FCN2: variants seen among roughly 807,000 people sequenced by gnomAD.
The protein encoded by FCN2 is ficolin 2.
A neutral mutation model predicts 32.5 loss-of-function variants in FCN2; 31 were observed. That is an observed-to-expected ratio of 0.96 (90% confidence interval 0.72 to 1.29). The LOEUF (loss-of-function observed/expected upper bound fraction) is 1.29. Among genes scored for constraint, FCN2 ranks in the 50% most tolerant of loss-of-function variants. The pLI, the probability that FCN2 is intolerant of heterozygous loss-of-function variation, is 0.00. For synonymous variants in FCN2, 181 were observed against 164.5 expected, an observed-to-expected ratio of 1.10 and a Z score of -0.77; for missense variants, 412 against 406.5, an observed-to-expected ratio of 1.01 and a Z score of -0.12.
chr9:134,880,404 G>A (rs74693003), upstream of FCN2, among the ~76,000 whole-genome samples: 149 of 152,334 alleles, frequency 9.8e-4, 2 homozygotes, highest in South Asian at 0.012. Flanking sequence ...AGTGGCCCAT[G>A]ACCAGCCCTG....
upstream of FCN2, among the ~76,000 whole-genome samples, chr9:134,875,982 C>G (rs749355652): frequency 6.6e-5 from 10 of 152,116 alleles, no homozygotes; most frequent in Non-Finnish European, 1.2e-4. Context: ...TTTTGGAGAG[C>G]CTTTTTCATC....
At chr9:134,877,768 C>G (rs1830616174), upstream of FCN2, among the ~76,000 whole-genome samples, 1 of 152,180 alleles carries the variant, frequency 6.6e-6, no homozygotes, top group Non-Finnish European at 1.5e-5. Context: ...AGCCGGCACC[C>G]TGAGGGTGGA....
rs1830694835 is a variant in FCN2 at position 134,883,375 on chromosome 9, G to A, written c.268+20G>A. 1 of 1,610,842 alleles carries A rather than the reference G, an allele frequency of 6.2e-7. No homozygotes were observed. Among genetic ancestry groups the A allele is most frequent in the Non-Finnish European group, 8.5e-7 (1 of 1,177,224 alleles). ...CCAACGGTAAGGAGGGGACAAGAGTGAGAAGCGGCTTCAAGGCCCTTCCAG... is the reference window on the plus strand; with the variant it reads ...CCAACGGTAAGGAGGGGACAAGAGTAAGAAGCGGCTTCAAGGCCCTTCCAG... On this transcript the variant is annotated intron_variant, in intron 3 of 7. Transcript: ENST00000291744.
chr9:134,884,259 C>A (rs1259573501), intron 3 of FCN2, among the ~76,000 whole-genome samples: 1 of 152,146 alleles, frequency 6.6e-6, no homozygotes, highest in Non-Finnish European at 1.5e-5. Flanking sequence ...ACTCACTCAC[C>A]TTTACCCACA....
rs764485611 is a variant in FCN2, at chr9:134,885,309, C to T, written c.372C>T (p.Pro124=). The part of the protein sequence containing the change: ...FLSGWHTIYL[P]DCRPLTVLCD... Reference sequence around the variant, plus strand: ...GCGGCTGGCACACCATCTACCTGCCCGACTGCCGGCCCCTGACTGTGCTCT... The same window carrying T: ...GCGGCTGGCACACCATCTACCTGCCTGACTGCCGGCCCCTGACTGTGCTCT... Residue 124 remains proline (P), a synonymous_variant, in exon 5 of 8, where the codon CCC becomes CCT. Coordinates refer to ENST00000291744, the MANE Select transcript of FCN2 (RefSeq NM_004108.3). The T allele has an allele frequency of 1.1e-5, 18 of 1,614,108 alleles. No homozygotes were observed. The highest frequency in any genetic ancestry group is 5.0e-5 in the Admixed American group (3 of 60,022).
At chr9:134,877,203 T>C (rs949671233), upstream of FCN2, among the ~76,000 whole-genome samples, 1 of 152,216 alleles carries the variant, frequency 6.6e-6, no homozygotes, top group Non-Finnish European at 1.5e-5. Flanking sequence ...ACTCTTGTTT[T>C]TCTAGTTTCT....
At chr9:134,865,135 T>G in the FCN2 span, among the ~76,000 whole-genome samples, 1 of 152,210 alleles carries the variant, frequency 6.6e-6, no homozygotes, top group Non-Finnish European at 1.5e-5. Context: ...GAATTTGGCC[T>G]GGGATGTGCC....
the FCN2 span, among the ~76,000 whole-genome samples, chr9:134,867,663 TAA>T: frequency 1.7e-3 from 237 of 140,188 alleles, 1 homozygote; most frequent in South Asian, 8.3e-3. Context: ...GGGGATACTT[TAA>T]AAAAAAAAAA....
the FCN2 span, among the ~76,000 whole-genome samples, chr9:134,864,371 A>G: frequency 2.0e-5 from 3 of 152,174 alleles, no homozygotes; most frequent in Non-Finnish European, 4.4e-5. Context: ...AGGGGAAGCC[A>G]GGCTCGTTAA....
chr9:134,884,913 A>T, intron 4 of FCN2, 141 bp downstream of exon 4: 1 of 844,226 alleles, frequency 1.2e-6, no homozygotes, highest in Non-Finnish European at 2.0e-6. Context: ...CTTGTCCCCT[A>T]ATTATTCAAG....
At chr9:134,870,077 C>T in the FCN2 span, among the ~76,000 whole-genome samples, 2 of 152,210 alleles carry the variant, frequency 1.3e-5, no homozygotes, top group African/African-American at 4.8e-5. This position sits in a 1 kb window ranked among gnomAD's most constrained non-coding sequence, Gnocchi z 4.3. Flanking sequence ...AGCCCCTGGG[C>T]TAGGCAGGGT....
In FCN2 at chr9:134,887,429, C is replaced by T; in HGVS notation, c.*14C>T. 6.2e-7 allele frequency: 1 copy of T among 1,613,766 alleles called. No individual in the cohort carries two copies. The highest frequency in any genetic ancestry group is 8.5e-7 in the Non-Finnish European group (1 of 1,179,794). ...CGACCTGCCTAGCCCAGGCCGGCCT[C>T]AGGGTCAGGACGCCTCCACACATAG... On this transcript the variant is annotated 3_prime_UTR_variant, in exon 8 of 8. Coordinates refer to ENST00000291744, the MANE Select transcript of FCN2 (RefSeq NM_004108.3).
intron 7 of FCN2, among the ~76,000 whole-genome samples, 164 bp from the exon 8 acceptor site, chr9:134,887,004 G>A (rs62573178): frequency 0.14 from 21,794 of 152,236 alleles, 1,946 homozygotes; most frequent in Middle Eastern, 0.2. Flanking sequence ...CAACAGCAGG[G>A]CAGTATTCAC....
In FCN2 at chr9:134,887,453, A is replaced by C; in HGVS notation, c.*38A>C. On this transcript the variant is annotated 3_prime_UTR_variant, in exon 8 of 8. Transcript: ENST00000291744. ...TCAGGGTCAGGACGCCTCCACACAT[A>C]GTTGGTTGGGGGGTAGGGTTGGGAG... The C allele has an allele frequency of 6.3e-7, 1 of 1,597,854 alleles. No homozygotes were observed. Among genetic ancestry groups the C allele is most frequent in the Non-Finnish European group, 8.6e-7 (1 of 1,166,316 alleles).
At chr9:134,870,423 G>T in the FCN2 span, among the ~76,000 whole-genome samples, 4 of 152,122 alleles carry the variant, frequency 2.6e-5, no homozygotes, top group Non-Finnish European at 5.9e-5. This position sits in a 1 kb window ranked among gnomAD's most constrained non-coding sequence, Gnocchi z 4.3. Flanking sequence ...CACCCCCAGG[G>T]TGACGCCTGC....
chr9:134,880,015 T>C (rs574294383), upstream of FCN2, among the ~76,000 whole-genome samples: 1 of 152,174 alleles, frequency 6.6e-6, no homozygotes, highest in Admixed American at 6.5e-5. Context: ...ACACAACCAC[T>C]GAAGTAAGTC....
upstream of FCN2, among the ~76,000 whole-genome samples, chr9:134,878,372 G>A (rs985978809): frequency 1.3e-5 from 2 of 152,074 alleles, no homozygotes; most frequent in South Asian, 2.1e-4. Flanking sequence ...CTCCTTGCCC[G>A]TAACAAGTGA....
intron 1 of FCN2, 48 bp from the exon 2 acceptor site, chr9:134,882,478 G>C (rs1198681972): frequency 6.8e-7 from 1 of 1,466,356 alleles, no homozygotes; most frequent in Admixed American, 1.7e-5. Context: ...GCTCAGTGGA[G>C]TCTTCAGGCC....
chr9:134,870,619 G>A, the FCN2 span, among the ~76,000 whole-genome samples: 1 of 152,168 alleles, frequency 6.6e-6, no homozygotes, highest in African/African-American at 2.4e-5. The surrounding 1 kb of genome is among the most constrained non-coding windows in gnomAD (Gnocchi z 4.3). Context: ...ACCCTGCCCT[G>A]AGCACAGAGC....
Sources: allele counts gnomAD v4.1 joint callset (sites outside exome capture counted in the v4.1 genomes callset), GRCh38; gene constraint gnomAD v4.1.1; non-coding constraint Gnocchi (gnomAD v3.1); transcripts MANE v1.5; gene names NCBI Gene and HGNC (gene_info 2026-07-23, HGNC 2026-07-21).